The following WDPCP variants were observed in gnomAD, a reference collection of about 807,000 sequenced individuals.
WDPCP encodes the protein WD repeat-containing and planar cell polarity effector protein fritz homolog.
Under a neutral mutation model 93.1 loss-of-function variants are expected in WDPCP, and 71 were observed. The ratio of observed to expected loss-of-function variants is 0.76; its 90% CI spans 0.63 to 0.93. WDPCP has a LOEUF of 0.93. Among genes scored for constraint, WDPCP ranks in the 40% least tolerant of loss-of-function variants. The probability of loss-of-function intolerance (pLI) is 0.00; values close to 1 mark genes in which losing one functional copy is unlikely to be tolerated. For missense variants in WDPCP, 844 were observed against 887.4 expected, an observed-to-expected ratio of 0.95 and a Z score of 0.62; for synonymous variants, 315 against 315.0, an observed-to-expected ratio of 1.00 and a Z score of 0.00.
intron 1 of WDPCP, among the ~76,000 whole-genome samples, chr2:63,566,121 T>C (rs17618045): frequency 0.17 from 26,519 of 152,144 alleles, 3,004 homozygotes; most frequent in Non-Finnish European, 0.23. Flanking sequence ...TGCAGGACCT[T>C]GAATGTACCA....
chr2:63,364,175 TAA>T (rs1026063217), intron 12 of WDPCP, among the ~76,000 whole-genome samples: 1 of 152,228 alleles, frequency 6.6e-6, no homozygotes. Flanking sequence ...CCATTTCTGA[TAA>T]GTCTTCTATT....
intron 3 of WDPCP, chr2:63,605,212 T>G (rs1709503511): frequency 1.9e-6 from 2 of 1,058,886 alleles, no homozygotes; most frequent in Admixed American, 3.9e-5. Flanking sequence ...CAAGGTCGAC[T>G]TGGAATTAAT....
At chr2:63,209,147 A>AT (rs1242930512) in intron 14 of WDPCP, among the ~76,000 whole-genome samples, 1 of 152,254 alleles carries the variant, frequency 6.6e-6, no homozygotes, top group Non-Finnish European at 1.5e-5. Flanking sequence ...GGCTGCCTCC[A>AT]TCCCACTCCT....
chr2:63,431,992 A>T (rs1223717632), intron 9 of WDPCP, among the ~76,000 whole-genome samples: 1 of 152,130 alleles, frequency 6.6e-6, no homozygotes, highest in Non-Finnish European at 1.5e-5. Flanking sequence ...CAATTGTGGA[A>T]AAAAAAGGAA....
At chr2:63,382,418 G>A (rs1224946183) in intron 10 of WDPCP, among the ~76,000 whole-genome samples, 1 of 151,788 alleles carries the variant, frequency 6.6e-6, no homozygotes, top group Non-Finnish European at 1.5e-5. Flanking sequence ...TAATTTCTGT[G>A]TATTAAATGA....
At chr2:63,317,005 T>A (rs570668078) in intron 12 of WDPCP, among the ~76,000 whole-genome samples, 13 of 152,270 alleles carry the variant, frequency 8.5e-5, no homozygotes, top group African/African-American at 3.1e-4. Flanking sequence ...GAAAGATCTC[T>A]ACAATGAGAA....
chr2:63,154,376 C>T (rs947674404), intron 15 of WDPCP, among the ~76,000 whole-genome samples: 1 of 152,046 alleles, frequency 6.6e-6, no homozygotes, highest in Non-Finnish European at 1.5e-5. Flanking sequence ...TTTGACTTCA[C>T]GAATGTTGTA....
chr2:63,608,653 T>A (rs1267086618), intron 3 of WDPCP, among the ~76,000 whole-genome samples: 1 of 151,700 alleles, frequency 6.6e-6, no homozygotes, highest in African/African-American at 2.4e-5. Context: ...TACAAAAAAA[T>A]TTAAAAATTA....
At chr2:63,660,880 AT>A (rs1396621894) in intron 2 of WDPCP, among the ~76,000 whole-genome samples, 5 of 152,158 alleles carry the variant, frequency 3.3e-5, no homozygotes, top group African/African-American at 1.2e-4. Flanking sequence ...TATTGCAAAT[AT>A]TTTTTCCTTA....
chr2:63,782,652 T>C (rs963247556), intron 2 of WDPCP, among the ~76,000 whole-genome samples: 1 of 152,160 alleles, frequency 6.6e-6, no homozygotes, highest in Non-Finnish European at 1.5e-5. Context: ...AATTCTATTA[T>C]ATTATTAAAA....
intron 14 of WDPCP, among the ~76,000 whole-genome samples, chr2:63,252,676 C>T (rs1680831088): frequency 6.6e-6 from 1 of 152,020 alleles, no homozygotes; most frequent in Admixed American, 6.6e-5. Flanking sequence ...CTTACAATAT[C>T]AATACACAAA....
intron 12 of WDPCP, among the ~76,000 whole-genome samples, chr2:63,331,152 AATTTTTTTAAAGCCATCGGCCAT>A (rs1163107148): frequency 6.6e-6 from 1 of 152,164 alleles, no homozygotes; most frequent in Admixed American, 6.5e-5. Context: ...CATCATGCCT[AATTTTTTTAAAGCCATCGGCCAT>A]ATTTTTTTAA....
intron 1 of WDPCP, among the ~76,000 whole-genome samples, chr2:63,580,330 C>G (rs1475589924): frequency 3.9e-5 from 6 of 152,042 alleles, no homozygotes; most frequent in African/African-American, 1.4e-4. Flanking sequence ...TGGTGAGAAA[C>G]AGGATATTAA....
At chr2:63,361,841 G>C (rs555087443) in intron 12 of WDPCP, among the ~76,000 whole-genome samples, 2 of 152,288 alleles carry the variant, frequency 1.3e-5, no homozygotes, top group East Asian at 1.9e-4. Context: ...AGGCATCCAA[G>C]CTCCAAGATT....
chr2:63,473,556 C>A (rs1039030385), intron 6 of WDPCP, among the ~76,000 whole-genome samples: 4 of 152,142 alleles, frequency 2.6e-5, no homozygotes, highest in African/African-American at 9.7e-5. Flanking sequence ...AACTTTTATT[C>A]CCCATTGGTA....
intron 13 of WDPCP, among the ~76,000 whole-genome samples, chr2:63,296,166 A>G (rs1246248395): frequency 6.6e-6 from 1 of 152,046 alleles, no homozygotes; most frequent in Non-Finnish European, 1.5e-5. Flanking sequence ...TTCACCACAT[A>G]AACAGAATTA....
At chr2:63,472,670 C>A (rs1161075094) in intron 6 of WDPCP, among the ~76,000 whole-genome samples, 2 of 152,116 alleles carry the variant, frequency 1.3e-5, no homozygotes, top group Admixed American at 1.3e-4. Flanking sequence ...CTCACTGCAA[C>A]CTTCGCCTCC....
intron 1 of WDPCP, among the ~76,000 whole-genome samples, chr2:63,496,340 G>C (rs1419468218): frequency 6.6e-6 from 1 of 152,198 alleles, no homozygotes; most frequent in African/African-American, 2.4e-5. Context: ...GGAGAGTGTA[G>C]TGTAGTTTCC....
At chr2:63,720,147 T>C (rs189236099) in intron 2 of WDPCP, among the ~76,000 whole-genome samples, 19 of 152,288 alleles carry the variant, frequency 1.2e-4, no homozygotes, top group African/African-American at 4.6e-4. Flanking sequence ...CCTGGCGCAG[T>C]GGCTCATGCC....
Sources: allele counts gnomAD v4.1 joint callset (sites outside exome capture counted in the v4.1 genomes callset), GRCh38; gene constraint gnomAD v4.1.1; transcripts MANE v1.5; gene names NCBI Gene and HGNC (gene_info 2026-07-23, HGNC 2026-07-21).